The following GK variants were observed in gnomAD, a reference collection of about 807,000 sequenced individuals.
The protein encoded by GK is ATP:glycerol 3-phosphotransferase.
GK carries 9 observed loss-of-function variants against 56.4 expected under a neutral mutation model. The ratio of observed to expected loss-of-function variants is 0.16; its 90% CI spans 0.10 to 0.28. The LOEUF is 0.28. GK is among the 10% of genes least tolerant of loss of function. The pLI is 1.00. For synonymous variants in GK, 104 were observed against 144.1 expected (o/e 0.72, Z 1.99); for missense variants, 161 against 431.4 (o/e 0.37, Z 5.55).
chrX:30,658,706 C>G (rs1441583133), intron 1 of GK, among the ~76,000 whole-genome samples: 1 of 112,627 alleles, frequency 8.9e-6, no homozygotes. Context: ...GGAACACATT[C>G]TCAACAGAGA....
At chrX:30,724,741 C>T in intron 19 of GK, 1 of 199,360 alleles carries the variant, frequency 5.0e-6, no homozygotes, top group East Asian at 1.5e-4. Context: ...TTCTACCTTT[C>T]AGTCACTTAG....
At chrX:30,679,694 G>A (rs5927582) in intron 4 of GK, among the ~76,000 whole-genome samples, 21,220 of 110,457 alleles carry the variant, frequency 0.19, 1,664 homozygotes, top group Admixed American at 0.27. Context: ...CCCATTCTAC[G>A]TGCTTTGCAG....
intron 4 of GK, chrX:30,678,048 T>G (rs758294080): frequency 1.9e-6 from 1 of 538,484 alleles, no homozygotes; most frequent in African/African-American, 2.3e-5. Flanking sequence ...CCCTGCTGTT[T>G]GTGACATCTA....
At chrX:30,691,009 G>C in intron 4 of GK, 114 bp from the exon 5 acceptor site, 1 of 461,934 alleles carries the variant, frequency 2.2e-6, no homozygotes, top group South Asian at 3.6e-5. Flanking sequence ...AAAAGCTATA[G>C]AATTTTAATT....
At chrX:30,690,041 A>T (rs186229888) in intron 4 of GK, among the ~76,000 whole-genome samples, 2 of 111,944 alleles carry the variant, frequency 1.8e-5, no homozygotes, top group East Asian at 5.6e-4. Flanking sequence ...CTCCAGGGAA[A>T]TGACAGCATA....
Position 30,674,077 on chromosome X carries a change from T to C in GK, c.260-3298T>C, listed in dbSNP as rs7058925. Reference sequence around the variant, plus strand: ...TGGCAGCAGCAGTAGGTAACATTTATTGAGTGCTTACTGTGTACCAGGCAT... The same window carrying C: ...TGGCAGCAGCAGTAGGTAACATTTACTGAGTGCTTACTGTGTACCAGGCAT... On this transcript the variant is annotated intron_variant, in intron 3 of 20. Transcript: ENST00000427190. Among the ~76,000 whole-genome samples, 445 of 111,984 alleles carry C rather than the reference T, an allele frequency of 4.0e-3. 6 individuals are homozygous for C. The highest frequency in any genetic ancestry group is 0.014 in the African/African-American group (427 of 30,853).
At chrX:30,678,122 A>T in intron 4 of GK, 1 of 492,852 alleles carries the variant, frequency 2.0e-6, no homozygotes, top group East Asian at 3.7e-5. Context: ...TCATTTTTCT[A>T]TAAAGTACTT....
At chrX:30,653,652 G>T (rs768181980) in intron 1 of GK, 37 bp downstream of exon 1, 6 of 1,110,866 alleles carry the variant, frequency 5.4e-6, no homozygotes, top group Non-Finnish European at 6.2e-6. Flanking sequence ...GCGCTGAGCC[G>T]GGGCGGGAGT....
At chrX:30,659,610 G>A (rs1306053732) in intron 1 of GK, among the ~76,000 whole-genome samples, 1 of 112,148 alleles carries the variant, frequency 8.9e-6, no homozygotes, top group Non-Finnish European at 1.9e-5. Context: ...GCACATTTAT[G>A]ATAGGACAGA....
At chrX:30,723,226 TCTA>T (rs1601954795) in intron 18 of GK, among the ~76,000 whole-genome samples, 1 of 109,675 alleles carries the variant, frequency 9.1e-6, no homozygotes, top group Non-Finnish European at 1.9e-5. Context: ...AAACCCCATC[TCTA>T]CTAGAAATAC....
chrX:30,676,758 A>G (rs1933930906), intron 3 of GK, among the ~76,000 whole-genome samples: 1 of 111,783 alleles, frequency 8.9e-6, no homozygotes, highest in Non-Finnish European at 1.9e-5. Context: ...TACTTGTTTT[A>G]TGTAGGTCAA....
chrX:30,680,193 G>A (rs1305387061), intron 4 of GK, among the ~76,000 whole-genome samples: 1 of 111,511 alleles, frequency 9.0e-6, no homozygotes, highest in Non-Finnish European at 1.9e-5. Flanking sequence ...AACTAGCAGC[G>A]ATAATAATAC....
chrX:30,727,517 G>A lies in GK; in HGVS notation c.1634G>A (p.Ser545Asn), dbSNP rs1001307750. 1 of 1,186,720 alleles carries A rather than the reference G, an allele frequency of 8.4e-7. No individual in the cohort carries two copies. Among genetic ancestry groups the A allele is most frequent in the African/African-American group, 1.8e-5 (1 of 56,337 alleles). Residue 545 changes from serine to asparagine, a missense_variant, in exon 20 of 21, where the codon AGC becomes AAC. By Grantham distance (46) the Ser-to-Asn change is conservative. Transcript: ENST00000427190. ...CCCTTGGGCTTTTTTATAGTGAGTA[G>A]CATGGTAATGTTAATCGGAGCAAGG... is the stretch of plus-strand genomic sequence containing the variant. Reference protein sequence around the residue: ...SLPLGFFIVSSMVMLIGARYI... With the variant: ...SLPLGFFIVSNMVMLIGARYI...
intron 6 of GK, among the ~76,000 whole-genome samples, chrX:30,695,576 G>C (rs1935194231): frequency 8.9e-6 from 1 of 112,535 alleles, no homozygotes; most frequent in South Asian, 3.6e-4. Flanking sequence ...TATATGCTTA[G>C]GTGAGTGTAG....
At chrX:30,693,116 A>G (rs1180647151) in intron 5 of GK, among the ~76,000 whole-genome samples, 2 of 98,485 alleles carry the variant, frequency 2.0e-5, no homozygotes, top group Non-Finnish European at 4.0e-5. Context: ...TCCCGGGTTC[A>G]TGCCATTCTC....
Position 30,677,433 on chromosome X carries a change from G to T in GK, c.318G>T (p.Glu106Asp), listed in dbSNP as rs745656141. The change falls in exon 4 of 21, where the codon GAG becomes GAT. Residue 106 changes from glutamate (E) to aspartate (D), a missense_variant. Coordinates refer to ENST00000427190, the MANE Select transcript of GK (RefSeq NM_001205019.2). ...TTVVWDKITG[E>D]PLYNAVVWLD... ...TAGTCTGGGACAAGATAACTGGAGAGCCTCTCTACAATGCTGTGGGTAAGC... is the reference window on the plus strand; with the variant it reads ...TAGTCTGGGACAAGATAACTGGAGATCCTCTCTACAATGCTGTGGGTAAGC... 2 of 1,128,453 alleles carry T rather than the reference G, an allele frequency of 1.8e-6. No individual in the cohort carries two copies. The highest frequency in any genetic ancestry group is 3.6e-5 in the African/African-American group (2 of 55,581). 93.0% of individuals were successfully genotyped at this position (1,128,453 alleles called of 1,213,427 possible). A position where few individuals can be genotyped will look rare whatever the true frequency, so the allele number is the denominator to read the frequency against.
intron 1 of GK, among the ~76,000 whole-genome samples, chrX:30,661,993 C>A (rs1189372380): frequency 1.8e-5 from 2 of 112,013 alleles, no homozygotes; most frequent in Non-Finnish European, 3.8e-5. Context: ...TACATTTGGC[C>A]ATCTGCAGAC....
chrX:30,690,458 A>T (rs1221714871), intron 4 of GK, among the ~76,000 whole-genome samples: 1 of 112,033 alleles, frequency 8.9e-6, no homozygotes, highest in East Asian at 2.8e-4. Context: ...GGGGGTTAGA[A>T]AGTAGATAAT....
In GK at chrX:30,719,999, G is replaced by A; in HGVS notation, c.1152-12G>A. 9.2e-7 allele frequency: 1 copy of A among 1,088,054 alleles called. No homozygotes were observed. The highest frequency in any genetic ancestry group is 1.3e-6 in the Non-Finnish European group (1 of 783,088). The allele number at this position is 1,088,054 out of a possible 1,213,427, so 89.7% of individuals were successfully genotyped here. A position where few individuals can be genotyped will look rare whatever the true frequency, so the allele number is the denominator to read the frequency against. On this transcript the variant is annotated splice_polypyrimidine_tract_variant and intron_variant, in intron 15 of 20. Coordinates refer to ENST00000427190, the MANE Select transcript of GK (RefSeq NM_001205019.2). The stretch of plus-strand genomic sequence containing the variant: ...ATCATTCTAATCTGAAAATCTTTGT[G>A]CGTATTTTTAGGATAATCTGTGGAC...
Sources: allele counts gnomAD v4.1 joint callset (sites outside exome capture counted in the v4.1 genomes callset), GRCh38; gene constraint gnomAD v4.1.1; transcripts MANE v1.5; gene names NCBI Gene and HGNC (gene_info 2026-07-23, HGNC 2026-07-21).